Variants in LCTL observed in about 807,000 individuals in gnomAD.
LCTL encodes the protein lactase-like protein.
In LCTL, 76 loss-of-function variants were observed where a neutral mutation model predicts 75.8. The observed-to-expected ratio is 1.00, with a 90% confidence interval of 0.83 to 1.21. The LOEUF is 1.21. Among genes scored for constraint, LCTL ranks in the 50% most tolerant of loss-of-function variants. The pLI is 0.00. For missense variants in LCTL, 670 were observed against 712.4 expected, an observed-to-expected ratio of 0.94 and a Z score of 0.68; for synonymous variants, 271 against 268.8, an observed-to-expected ratio of 1.01 and a Z score of -0.08.
intron 10 of LCTL, 31 bp downstream of exon 11, chr15:66,552,012 A>G: frequency 6.3e-7 from 1 of 1,597,412 alleles, no homozygotes; most frequent in South Asian, 1.1e-5. Context: ...TTAAACGGGA[A>G]AACTGCAGAC....
At chr15:66,554,985 A>G (rs750205995) in intron 8 of LCTL, among the ~76,000 whole-genome samples, 2 of 152,200 alleles carry the variant, frequency 1.3e-5, no homozygotes, top group Non-Finnish European at 2.9e-5. Context: ...GGTGTAATCT[A>G]TACAAAAAAG....
At chr15:66,558,345 C>T (rs1895792215) in intron 6 of LCTL, among the ~76,000 whole-genome samples, 1 of 152,200 alleles carries the variant, frequency 6.6e-6, no homozygotes. Flanking sequence ...TACTTTTCCT[C>T]AGAGGAGCTC....
chr15:66,553,155 A>G, exon 9 of LCTL: 1 of 1,611,732 alleles, frequency 6.2e-7, no homozygotes, highest in Non-Finnish European at 8.5e-7. Context: ...TAGTAAAATG[A>G]CCTAATCCCA....
At chr15:66,565,507 C>T (rs1896005314), upstream of LCTL, 2 of 595,330 alleles carry the variant, frequency 3.4e-6, no homozygotes, top group Non-Finnish European at 5.9e-6. Flanking sequence ...CTGCACCCAG[C>T]AGCAGAGGCT....
intron 4 of LCTL, among the ~76,000 whole-genome samples, chr15:66,562,402 CA>C (rs201874546): frequency 0.028 from 2,960 of 105,590 alleles, 27 homozygotes; most frequent in South Asian, 0.068. Context: ...GACTCCATCT[CA>C]AAAAAAAAAA....
intron 11 of LCTL, among the ~76,000 whole-genome samples, chr15:66,551,273 A>G (rs1377918428): frequency 6.7e-6 from 1 of 148,428 alleles, no homozygotes; most frequent in African/African-American, 2.5e-5. Flanking sequence ...CTGGAACCCA[A>G]GAAGCGGAGG....
exon 12 of LCTL, chr15:66,550,073 G>T: frequency 6.2e-7 from 1 of 1,605,860 alleles, no homozygotes. Context: ...GATAGAGCAA[G>T]TTTCCAAAGC....
At chr15:66,562,354 G>C (rs181663211) in intron 4 of LCTL, among the ~76,000 whole-genome samples, 1 of 148,026 alleles carries the variant, frequency 6.8e-6, no homozygotes, top group South Asian at 2.1e-4. Context: ...AGTGAGCCGA[G>C]ATCATGCCAC....
chr15:66,565,298 C>T lies in LCTL; in HGVS notation c.68G>A (p.Arg23Gln), dbSNP rs147971843. ...GGAGGCCTCTTCTGGGGACCCCTTC[C>T]GGGCGGCCCCCAGCCTGGGCACCAG... The change falls in exon 1 of 13, where the codon CGG becomes CAG. Residue 23 changes from arginine to glutamine, a missense_variant. Coordinates refer to ENST00000341509, the Ensembl canonical transcript of LCTL. 96 of 1,613,760 alleles carry T rather than the reference C, an allele frequency of 5.9e-5. No individual in the cohort carries two copies. The highest frequency in any genetic ancestry group is 2.9e-4 in the African/African-American group (22 of 75,054).
At chr15:66,559,282 T>G (rs1366710341) in intron 6 of LCTL, among the ~76,000 whole-genome samples, 3 of 152,228 alleles carry the variant, frequency 2.0e-5, no homozygotes, top group African/African-American at 7.2e-5. Flanking sequence ...TCGGGGTTGT[T>G]TTGTTTGTTA....
chr15:66,548,452 A>G (rs1325285370), exon 13 of LCTL: 4 of 1,134,992 alleles, frequency 3.5e-6, no homozygotes, highest in South Asian at 1.3e-5. Context: ...AAGATCCTGA[A>G]GATTCTCTTA....
intron 8 of LCTL, among the ~76,000 whole-genome samples, chr15:66,555,383 A>G (rs1409231123): frequency 6.6e-6 from 1 of 151,926 alleles, no homozygotes; most frequent in Non-Finnish European, 1.5e-5. Context: ...CTCTACAAAA[A>G]TACAAAAATT....
At chr15:66,548,533 A>G (rs1344709948) in exon 13 of LCTL, 1 of 1,613,460 alleles carries the variant, frequency 6.2e-7, no homozygotes, top group South Asian at 1.1e-5. Context: ...AACAGCAGTG[A>G]TGAGGACACA....
At chr15:66,561,034 A>G in exon 6 of LCTL, 1 of 1,614,110 alleles carries the variant, frequency 6.2e-7, no homozygotes, top group Non-Finnish European at 8.5e-7. Context: ...TGCCTTGTAC[A>G]GGCCGGTGCC....
At chr15:66,557,765 G>A (rs1051442445) in exon 8 of LCTL, 2 of 1,613,954 alleles carry the variant, frequency 1.2e-6, no homozygotes, top group African/African-American at 1.3e-5. Context: ...CGGCATAAAT[G>A]GGGTTGGCAA....
At chr15:66,563,841 G>A in intron 3 of LCTL, 70 bp downstream of exon 4, 2 of 1,226,402 alleles carry the variant, frequency 1.6e-6, no homozygotes. Flanking sequence ...AGGACTCTGT[G>A]GTGCCCCTGC....
Position 66,564,013 on chromosome 15 carries a change from G to A in LCTL, c.283-15C>T, listed in dbSNP as rs370398855. Reference sequence around the variant, plus strand: ...ATGATGTCCTCCTGTGCAGACAGGGGTGGGGAGACAGGTCACCTGGGCCCT... The same window carrying A: ...ATGATGTCCTCCTGTGCAGACAGGGATGGGGAGACAGGTCACCTGGGCCCT... On this transcript the variant is annotated splice_polypyrimidine_tract_variant and intron_variant, in intron 2 of 12. Transcript: ENST00000341509. 1.5e-4 allele frequency: 238 copies of A among 1,594,474 alleles called. 1 individual carries two copies. The highest frequency in any genetic ancestry group is 1.1e-3 in the Admixed American group (69 of 60,006).
intron 8 of LCTL, among the ~76,000 whole-genome samples, chr15:66,553,776 G>A (rs567849096): frequency 1.3e-5 from 2 of 148,286 alleles, no homozygotes; most frequent in African/African-American, 4.9e-5. Context: ...AAAAAAAGTT[G>A]TATTTTCACA....
chr15:66,564,331 A>C, intron 2 of LCTL: 2 of 478,126 alleles, frequency 4.2e-6, no homozygotes, highest in South Asian at 2.6e-5. Context: ...CACAGGGTGC[A>C]ACTGACAAGC....
Sources: gnomAD v4.1 joint callset for allele counts (sites outside exome capture counted in the v4.1 genomes callset) on GRCh38, gnomAD v4.1.1 for gene constraint, MANE v1.5 for transcripts, NCBI Gene and HGNC (gene_info 2026-07-23, HGNC 2026-07-21) for gene names.